The following ANKFY1 variants were observed in gnomAD, a reference collection of about 807,000 sequenced individuals.
ANKFY1 encodes the protein ankyrin repeat and FYVE domain containing 1.
ANKFY1 carries 47 observed loss-of-function variants against 128.3 expected under a neutral mutation model. The ratio of observed to expected loss-of-function variants is 0.37; its 90% CI spans 0.29 to 0.47. ANKFY1 has a LOEUF of 0.47. ANKFY1 is among the 20% of genes least tolerant of loss of function. The probability of loss-of-function intolerance (pLI) is 1.00; values close to 1 mark genes in which losing one functional copy is unlikely to be tolerated. For synonymous variants in ANKFY1, 553 were observed against 601.6 expected, an observed-to-expected ratio of 0.92 and a Z score of 1.18; for missense variants, 1,222 against 1,510.6, an observed-to-expected ratio of 0.81 and a Z score of 3.17.
At chr17:4,257,204 T>C (rs1968174600) in intron 1 of ANKFY1, among the ~76,000 whole-genome samples, 1 of 152,186 alleles carries the variant, frequency 6.6e-6, no homozygotes, top group Admixed American at 6.6e-5. Context: ...TCATACGTTC[T>C]GTGGTCTTTC....
intron 10 of ANKFY1, chr17:4,194,688 G>C (rs2059784986): frequency 2.4e-6 from 1 of 411,582 alleles, no homozygotes; most frequent in Non-Finnish European, 4.4e-6. Context: ...GCTCTCTGGG[G>C]TACAATTTTT....
chr17:4,221,704 C>T (rs2060316282), intron 3 of ANKFY1, among the ~76,000 whole-genome samples: 1 of 152,112 alleles, frequency 6.6e-6, no homozygotes, highest in South Asian at 2.1e-4. Flanking sequence ...CTGCAACCTC[C>T]ATCTCCCAAT....
chr17:4,262,526 T>A (rs1395283001), intron 1 of ANKFY1, among the ~76,000 whole-genome samples: 1 of 152,114 alleles, frequency 6.6e-6, no homozygotes. Flanking sequence ...CCTCCCAAAG[T>A]GCTGAAATTA....
intron 1 of ANKFY1, among the ~76,000 whole-genome samples, chr17:4,254,168 G>C (rs574915534): frequency 8.3e-4 from 127 of 152,134 alleles, no homozygotes; most frequent in Admixed American, 1.9e-3. Context: ...GCCAGGTGTG[G>C]TGGCAGGCGC....
intron 15 of ANKFY1, 93 bp downstream of exon 15, chr17:4,182,088 C>A: frequency 1.6e-6 from 2 of 1,248,778 alleles, no homozygotes; most frequent in South Asian, 2.8e-5. Context: ...CTTGACAGAT[C>A]TTGCTCCTGT....
rs1426513943 is a variant in ANKFY1, at chr17:4,181,752, G to A, written c.2122-380C>T. Among the ~76,000 whole-genome samples, 1 of 152,148 alleles carries A rather than the reference G, an allele frequency of 6.6e-6. No homozygotes were observed. The highest frequency in any genetic ancestry group is 6.5e-5 in the Admixed American group (1 of 15,268). ...CTCAACAACTAGGTAAAACCTCCAG[G>A]TGCACAACGCCTTCATATCACACTG... On this transcript the variant is annotated intron_variant, in intron 15 of 24. Transcript: ENST00000341657. This position sits in a 1 kb window ranked among gnomAD's most constrained non-coding sequence, Gnocchi z 4.9.
At chr17:4,208,215 TC>T in intron 5 of ANKFY1, 133 bp from the exon 6 acceptor site, 1 of 780,120 alleles carries the variant, frequency 1.3e-6, no homozygotes. Flanking sequence ...CATTTATTTC[TC>T]CCCAAAACCC....
intron 1 of ANKFY1, among the ~76,000 whole-genome samples, chr17:4,252,480 G>A (rs1967890901): frequency 6.6e-6 from 1 of 151,964 alleles, no homozygotes; most frequent in African/African-American, 2.4e-5. Context: ...GAGATGGAAG[G>A]ACTGCTTGAG....
At chr17:4,199,113 C>T (rs540977341) in intron 7 of ANKFY1, among the ~76,000 whole-genome samples, 21 of 152,360 alleles carry the variant, frequency 1.4e-4, no homozygotes, top group African/African-American at 5.1e-4. Flanking sequence ...TGGGCTATGA[C>T]TGTGCCACTG....
At chr17:4,236,906 G>A (rs547035807) in intron 2 of ANKFY1, among the ~76,000 whole-genome samples, 8 of 152,176 alleles carry the variant, frequency 5.3e-5, no homozygotes, top group South Asian at 2.1e-4. Flanking sequence ...TTGGGAGGCC[G>A]AGGTGGGCAG....
At chr17:4,257,813 A>G (rs961895581) in intron 1 of ANKFY1, among the ~76,000 whole-genome samples, 1 of 152,148 alleles carries the variant, frequency 6.6e-6, no homozygotes, top group Non-Finnish European at 1.5e-5. Context: ...TACCCATTCC[A>G]TGGTTATCTC....
chr17:4,257,546 T>C (rs1339938739), intron 1 of ANKFY1, among the ~76,000 whole-genome samples: 1 of 152,138 alleles, frequency 6.6e-6, no homozygotes. Flanking sequence ...AGGAGGGCCA[T>C]TTTTCAAAGC....
At chr17:4,255,184 C>T (rs1968049218) in intron 1 of ANKFY1, among the ~76,000 whole-genome samples, 1 of 151,944 alleles carries the variant, frequency 6.6e-6, no homozygotes, top group Admixed American at 6.6e-5. Context: ...CTCTACACTC[C>T]TATAGTTCTT....
intron 3 of ANKFY1, among the ~76,000 whole-genome samples, chr17:4,220,658 G>A (rs1365935021): frequency 1.3e-5 from 2 of 152,124 alleles, no homozygotes; most frequent in East Asian, 3.8e-4. Flanking sequence ...CACTCCTGCC[G>A]TGACTCTTCC....
In ANKFY1 at chr17:4,229,278, G is replaced by A. The variant is rs183314449; in HGVS notation, c.322+6494C>T. On this transcript the variant is annotated intron_variant, in intron 3 of 24. Transcript: ENST00000341657. ...ATCTCTACTAAAAATACAAAAATTA[G>A]CCAGGCGTGGTGGCGGGCACCTGTA... Among the ~76,000 whole-genome samples, 622 of 152,100 alleles carry A rather than the reference G, an allele frequency of 4.1e-3. 3 individuals carry two copies. The highest frequency in any genetic ancestry group is 0.014 in the African/African-American group (593 of 41,480).
intron 14 of ANKFY1, among the ~76,000 whole-genome samples, chr17:4,182,997 T>C (rs2059542888): frequency 6.6e-6 from 1 of 152,004 alleles, no homozygotes; most frequent in Non-Finnish European, 1.5e-5. Context: ...TCCCAGCTAC[T>C]TGGGAGGCTG....
chr17:4,174,010 G>T lies in ANKFY1; in HGVS notation c.2822C>A (p.Thr941Asn), dbSNP rs774963855. Residue 941 changes from threonine (T) to asparagine (N), a missense_variant, in exon 20 of 25, where the codon ACT (threonine) becomes AAT (asparagine). Thr to Asn is a moderately conservative substitution (Grantham distance 65, BLOSUM62 0). Transcript: ENST00000341657. Reference protein sequence around the residue: ...KVNELTKHRQTALHLAAQQDL... With the variant: ...KVNELTKHRQNALHLAAQQDL... ...CTGCTGGGCAGCAAGATGGAGGGCA[G>T]TCTGGCGATGCTTGGTTAATTCGTT... The T allele has an allele frequency of 3.1e-6, 5 of 1,614,142 alleles. No homozygotes were observed. The highest frequency in any genetic ancestry group is 3.3e-5 in the Admixed American group (2 of 60,010).
chr17:4,178,996 T>G lies in ANKFY1; in HGVS notation c.2459A>C (p.Gln820Pro). 6.2e-7 allele frequency: 1 copy of G among 1,614,222 alleles called. No individual in the cohort carries two copies. Among genetic ancestry groups the G allele is most frequent in the East Asian group, 2.2e-5 (1 of 44,886 alleles). The part of the protein sequence containing the change: ...AISSQHGVII[Q>P]LLVSHPDIHL... Reference sequence around the variant, plus strand: ...GATATCGGGGTGAGAAACCAACAGCTGAATGATGACACCGTGTTGGCTGCT... The same window carrying G: ...GATATCGGGGTGAGAAACCAACAGCGGAATGATGACACCGTGTTGGCTGCT... The change falls in exon 18 of 25, where the codon CAG becomes CCG. Residue 820 changes from glutamine to proline, a missense_variant. By Grantham distance (76) the Gln-to-Pro change is moderately conservative (BLOSUM62 -1). Transcript: ENST00000341657. This position sits in a 1 kb window ranked among gnomAD's most constrained non-coding sequence, Gnocchi z 4.1.
chr17:4,170,696 C>G lies in ANKFY1; in HGVS notation c.3286+19G>C. ...TACGACTGTGCTTGCACTGTGAGAG[C>G]AGAGAGCGGGCCACTCACCCAGCAG... is the stretch of plus-strand genomic sequence containing the variant. On this transcript the variant is annotated intron_variant, in intron 23 of 24. Coordinates refer to ENST00000341657, the MANE Select transcript of ANKFY1 (RefSeq NM_001330063.2). The G allele has an allele frequency of 6.3e-7, 1 of 1,595,720 alleles. No homozygotes were observed. The highest frequency in any genetic ancestry group is 8.5e-7 in the Non-Finnish European group (1 of 1,170,532).
Sources: allele counts gnomAD v4.1 joint callset (sites outside exome capture counted in the v4.1 genomes callset), GRCh38; gene constraint gnomAD v4.1.1; non-coding constraint Gnocchi (gnomAD v3.1); transcripts MANE v1.5; gene names NCBI Gene and HGNC (gene_info 2026-07-23, HGNC 2026-07-21).